ADK: variants seen among roughly 807,000 people sequenced by gnomAD.
The protein encoded by ADK is N6,N6-dimethyladenosine kinase.
Under a neutral mutation model 44.7 loss-of-function variants are expected in ADK, and 24 were observed. The ratio of observed to expected loss-of-function variants is 0.54; its 90% CI spans 0.39 to 0.76. ADK has a LOEUF of 0.76. Ranked by LOEUF, ADK falls within the 30% of genes least tolerant of loss-of-function variation. The pLI is 0.00. For synonymous variants in ADK, 128 were observed against 142.6 expected, an observed-to-expected ratio of 0.90 and a Z score of 0.73; for missense variants, 321 against 425.1, an observed-to-expected ratio of 0.76 and a Z score of 2.15.
At chr10:74,435,232 G>T (rs1302108328) in intron 6 of ADK, among the ~76,000 whole-genome samples, 2 of 152,142 alleles carry the variant, frequency 1.3e-5, no homozygotes, top group Admixed American at 1.3e-4. Context: ...GAGATCAAAG[G>T]TTTATAGATG....
At chr10:74,362,781 A>G (rs963294196) in intron 4 of ADK, among the ~76,000 whole-genome samples, 1 of 152,214 alleles carries the variant, frequency 6.6e-6, no homozygotes, top group Non-Finnish European at 1.5e-5. Context: ...GCACTAGAGT[A>G]TGCTTTAAGC....
intron 9 of ADK, among the ~76,000 whole-genome samples, chr10:74,632,945 T>G (rs1289092609): frequency 6.6e-6 from 1 of 152,220 alleles, no homozygotes; most frequent in Non-Finnish European, 1.5e-5. Flanking sequence ...TTTTTCAGTT[T>G]ATAATATATT....
intron 1 of ADK, among the ~76,000 whole-genome samples, chr10:74,173,395 G>GT (rs903316024): frequency 9.6e-5 from 14 of 145,442 alleles, no homozygotes; most frequent in African/African-American, 3.1e-4. Flanking sequence ...GCCCGGCTAG[G>GT]TTTTTTCAAA....
At position 74,582,852 on chromosome 10, in the gene ADK, T is replaced by C. The variant is rs1851416192; in HGVS notation, c.727-6430T>C. 2.0e-5 allele frequency among the ~76,000 whole-genome samples: 3 copies of C among 152,232 alleles called. No homozygotes were observed. In the South Asian group the frequency reaches 6.2e-4, roughly 32 times the overall value. On this transcript the variant is annotated intron_variant, in intron 7 of 10. Transcript: ENST00000539909. ...ATGGTAACAAATGTCAGAGCACAGG[T>C]TGAAAATCTCCAAAAAGTTATATGA...
At chr10:74,670,330 C>T in intron 10 of ADK, 61 bp downstream of exon 10, 3 of 1,274,608 alleles carry the variant, frequency 2.4e-6, no homozygotes, top group South Asian at 1.2e-5. Context: ...TTGTTTCTAC[C>T]ATATAACCAA....
intron 9 of ADK, among the ~76,000 whole-genome samples, chr10:74,658,368 C>A (rs1009106361): frequency 6.6e-6 from 1 of 152,116 alleles, no homozygotes; most frequent in Admixed American, 6.6e-5. Flanking sequence ...AGGAACATAA[C>A]CAAAGGTAGA....
At chr10:74,292,171 A>G (rs1414503693) in intron 3 of ADK, among the ~76,000 whole-genome samples, 2 of 152,142 alleles carry the variant, frequency 1.3e-5, no homozygotes, top group Non-Finnish European at 2.9e-5. Context: ...AGTATTGTCT[A>G]CTATACCAAG....
chr10:74,195,065 T>C (rs926671932), intron 1 of ADK, among the ~76,000 whole-genome samples: 1 of 141,368 alleles, frequency 7.1e-6, no homozygotes, highest in Non-Finnish European at 1.5e-5. Flanking sequence ...GAGACATTTA[T>C]AAAATTACTG....
At chr10:74,406,103 C>T (rs1248161839) in intron 6 of ADK, among the ~76,000 whole-genome samples, 4 of 152,194 alleles carry the variant, frequency 2.6e-5, no homozygotes, top group Non-Finnish European at 4.4e-5. Context: ...CTGCTGTAGT[C>T]ATATGGCTGA....
intron 6 of ADK, among the ~76,000 whole-genome samples, chr10:74,452,306 A>T (rs1386725130): frequency 6.6e-6 from 1 of 151,964 alleles, no homozygotes; most frequent in African/African-American, 2.4e-5. Flanking sequence ...GTAGTACTAA[A>T]TTTATGGAAT....
chr10:74,571,985 A>G (rs1850985018), intron 7 of ADK, among the ~76,000 whole-genome samples: 1 of 151,980 alleles, frequency 6.6e-6, no homozygotes, highest in South Asian at 2.1e-4. Flanking sequence ...TTTTAATTGG[A>G]GCATTTAGCC....
chr10:74,477,587 A>G (rs1182487792), intron 6 of ADK, among the ~76,000 whole-genome samples: 1 of 152,070 alleles, frequency 6.6e-6, no homozygotes, highest in Non-Finnish European at 1.5e-5. Flanking sequence ...TCTTTCCCTT[A>G]GTGTTTTTAA....
chr10:74,493,894 T>A (rs970238678), intron 6 of ADK, among the ~76,000 whole-genome samples: 9 of 152,162 alleles, frequency 5.9e-5, no homozygotes, highest in Non-Finnish European at 1.3e-4. Context: ...GTATTTTTTT[T>A]ATTGACCTGA....
chr10:74,598,509 G>T lies in ADK; in HGVS notation c.763-1870G>T, dbSNP rs568787702. The stretch of plus-strand genomic sequence containing the variant: ...TCTGTCACCAGGCTGCAGTGCAGTG[G>T]CATGATCTCTGCACACTGCAACCTC... On this transcript the variant is annotated intron_variant, in intron 8 of 10. Coordinates refer to ENST00000539909, the MANE Select transcript of ADK (RefSeq NM_006721.4). Among the ~76,000 whole-genome samples, 28 of 143,288 alleles carry T rather than the reference G, an allele frequency of 2.0e-4. No homozygotes were observed. In the South Asian group the frequency reaches 5.9e-3, roughly 30 times the overall value. The allele number at this position is 143,288 out of a possible 152,430, so 94.0% of individuals were successfully genotyped here.
chr10:74,356,840 C>T (rs1446266883), intron 4 of ADK, among the ~76,000 whole-genome samples: 1 of 152,170 alleles, frequency 6.6e-6, no homozygotes, highest in African/African-American at 2.4e-5. Flanking sequence ...GAGGCATTTA[C>T]AGTGCCAATT....
chr10:74,288,168 C>T (rs149402199), intron 3 of ADK, among the ~76,000 whole-genome samples: 8 of 151,752 alleles, frequency 5.3e-5, no homozygotes, highest in South Asian at 4.2e-4. Context: ...AAAATTAATG[C>T]GGAAGGTTTG....
intron 4 of ADK, among the ~76,000 whole-genome samples, chr10:74,319,799 T>C (rs1840747939): frequency 6.6e-6 from 1 of 152,202 alleles, no homozygotes; most frequent in African/African-American, 2.4e-5. Context: ...CATTCTAAAC[T>C]CATAACAACC....
intron 6 of ADK, among the ~76,000 whole-genome samples, chr10:74,422,986 G>GCT (rs371290969): frequency 2.6e-5 from 4 of 152,216 alleles, no homozygotes; most frequent in African/African-American, 9.6e-5. Flanking sequence ...TTCCCTAGCT[G>GCT]CTCATCACCT....
At chr10:74,632,279 G>C (rs772929744) in intron 9 of ADK, among the ~76,000 whole-genome samples, 53 of 152,264 alleles carry the variant, frequency 3.5e-4, no homozygotes, top group Non-Finnish European at 6.3e-4. Context: ...TATAGCATGT[G>C]TCAGTTTTTT....
Sources: gnomAD v4.1 joint callset for allele counts (sites outside exome capture counted in the v4.1 genomes callset) on GRCh38, gnomAD v4.1.1 for gene constraint, MANE v1.5 for transcripts, NCBI Gene and HGNC (gene_info 2026-07-23, HGNC 2026-07-21) for gene names.